TRPM3: variants seen among roughly 807,000 people sequenced by gnomAD.
TRPM3 encodes the protein long transient receptor potential channel 3.
In TRPM3, 77 loss-of-function variants were observed where a neutral mutation model predicts 181.2. That is an observed-to-expected ratio of 0.42 (90% CI 0.35 to 0.51). TRPM3 has a LOEUF of 0.51. TRPM3 is among the 20% of genes least tolerant of loss of function. TRPM3 has a pLI of 0.01. For missense variants in TRPM3, 1,759 were observed against 2,196.7 expected, an observed-to-expected ratio of 0.80 and a Z score of 3.98; for synonymous variants, 745 against 796.4, an observed-to-expected ratio of 0.94 and a Z score of 1.09.
intron 1 of TRPM3, among the ~76,000 whole-genome samples, chr9:71,333,494 T>C (rs961279105): frequency 5.9e-5 from 9 of 151,996 alleles, no homozygotes; most frequent in African/African-American, 1.9e-4. Flanking sequence ...CTGGCTCTTC[T>C]CAATTTTGCT....
chr9:70,629,230 C>G (rs201522105), intron 12 of TRPM3, among the ~76,000 whole-genome samples: 1,288 of 32,692 alleles, frequency 0.039, 64 homozygotes, highest in Middle Eastern at 0.11. Context: ...GGGGGGGGGG[C>G]CTGCGTTCTG....
chr9:71,205,840 C>T (rs1474594977), intron 1 of TRPM3, among the ~76,000 whole-genome samples: 1 of 152,166 alleles, frequency 6.6e-6, no homozygotes, highest in East Asian at 1.9e-4. Context: ...TGATAGTTTC[C>T]ATGAGAAATG....
At chr9:70,945,979 A>T (rs2096928333) in intron 1 of TRPM3, among the ~76,000 whole-genome samples, 2 of 152,166 alleles carry the variant, frequency 1.3e-5, no homozygotes, top group Admixed American at 1.3e-4. Context: ...GACTAGGGAG[A>T]TCTACAAGCA....
chr9:71,162,726 T>TAA (rs1455017443), intron 1 of TRPM3, among the ~76,000 whole-genome samples: 5 of 152,198 alleles, frequency 3.3e-5, no homozygotes, highest in African/African-American at 1.2e-4. Context: ...CTTTCATTAG[T>TAA]TACCTACTAT....
At chr9:71,087,724 C>T (rs1385147378) in intron 1 of TRPM3, among the ~76,000 whole-genome samples, 2 of 152,030 alleles carry the variant, frequency 1.3e-5, no homozygotes, top group African/African-American at 4.8e-5. Flanking sequence ...TTAATCAGCA[C>T]AGTAGATTTT....
chr9:71,327,831 G>T (rs1411071274), intron 1 of TRPM3, among the ~76,000 whole-genome samples: 1 of 152,074 alleles, frequency 6.6e-6, no homozygotes. Flanking sequence ...TGTTTATCAG[G>T]ATACATTGAC....
chr9:71,005,922 T>C (rs1359715418), intron 1 of TRPM3, among the ~76,000 whole-genome samples: 1 of 152,182 alleles, frequency 6.6e-6, no homozygotes, highest in Non-Finnish European at 1.5e-5. Context: ...AAATTTTAAG[T>C]ATGAAGACTA....
chr9:70,654,469 T>C (rs1182588228), intron 9 of TRPM3, among the ~76,000 whole-genome samples: 1 of 152,010 alleles, frequency 6.6e-6, no homozygotes. Context: ...TCAGAGGTCA[T>C]GGACCTCTGG....
chr9:70,897,612 A>G (rs975578928), intron 1 of TRPM3, among the ~76,000 whole-genome samples: 5 of 152,126 alleles, frequency 3.3e-5, no homozygotes, highest in Non-Finnish European at 7.3e-5. Flanking sequence ...GTTTTCTCAG[A>G]GGCAAATTTC....
chr9:70,927,666 T>C (rs1442328444), intron 1 of TRPM3, among the ~76,000 whole-genome samples: 1 of 152,184 alleles, frequency 6.6e-6, no homozygotes, highest in East Asian at 1.9e-4. Context: ...CTCTTAGGCC[T>C]GCGCACAGAG....
chr9:70,536,786 A>G lies in TRPM3; in HGVS notation c.4327T>C (p.Phe1443Leu), dbSNP rs1366318343. 1 of 1,614,040 alleles carries G rather than the reference A, an allele frequency of 6.2e-7. No individual in the cohort carries two copies. The highest frequency in any genetic ancestry group is 1.3e-5 in the African/African-American group (1 of 74,924). The change falls in exon 26 of 26, where the codon TTT becomes CTT. Residue 1443 changes from phenylalanine to leucine, a missense_variant. Around this residue, in one of 8 missense-constraint regions of TRPM3, gnomAD observed 612 missense variants for 590.0 expected, o/e 1.04. Coordinates refer to ENST00000677713, the MANE Select transcript of TRPM3 (RefSeq NM_001366145.2). Reference protein sequence around the residue: ...VNILGLGEPSFSTPVPSTAPS... With the variant: ...VNILGLGEPSLSTPVPSTAPS... The stretch of plus-strand genomic sequence containing the variant: ...GCTGTGGAAGGTACTGGAGTTGAAA[A>G]GCTTGGCTCGCCCAGCCCAAGGATG...
intron 1 of TRPM3, among the ~76,000 whole-genome samples, chr9:71,006,491 G>A (rs1031465032): frequency 6.6e-6 from 1 of 151,670 alleles, no homozygotes; most frequent in African/African-American, 2.4e-5. Context: ...GAAAGTGAAG[G>A]GATGAAAAAA....
At chr9:70,575,815 G>A (rs75082325) in intron 22 of TRPM3, among the ~76,000 whole-genome samples, 5,888 of 152,220 alleles carry the variant, frequency 0.039, 149 homozygotes, top group South Asian at 0.065. Flanking sequence ...CTCTGTCCTG[G>A]ACTGTTCCTG....
intron 1 of TRPM3, among the ~76,000 whole-genome samples, chr9:71,005,272 A>C (rs2097661368): frequency 6.6e-6 from 1 of 151,926 alleles, no homozygotes; most frequent in Admixed American, 6.6e-5. Context: ...AGGGCATGGT[A>C]GGGCATGCCT....
chr9:70,969,756 T>TTTTA (rs1554785328), intron 1 of TRPM3, among the ~76,000 whole-genome samples: 104 of 126,620 alleles, frequency 8.2e-4, no homozygotes, highest in African/African-American at 2.8e-3. Flanking sequence ...CTGAATGATT[T>TTTTA]TATATATATA....
intron 1 of TRPM3, among the ~76,000 whole-genome samples, chr9:71,287,075 T>C (rs1195867201): frequency 7.0e-6 from 1 of 143,448 alleles, no homozygotes; most frequent in African/African-American, 2.5e-5. Flanking sequence ...TTATATATTA[T>C]ATATAAATTA....
rs956604749 is a variant in TRPM3, at chr9:71,076,099, GGA to G, written c.177+45077_177+45078del. Among the ~76,000 whole-genome samples, 86 of 150,938 alleles carry G rather than the reference GGA, an allele frequency of 5.7e-4. 2 individuals are homozygous for G. In the Middle Eastern group the frequency reaches 0.024, roughly 42 times the overall value. ...ATGAAGAATGATTAGAATGTGCGGG[GGA>G]GGGGGAACAAAAAGACATAACTAGT... On this transcript the variant is annotated intron_variant, in intron 1 of 25. Transcript: ENST00000677713.
intron 9 of TRPM3, among the ~76,000 whole-genome samples, chr9:70,674,765 A>G (rs904954557): frequency 7.0e-6 from 1 of 142,002 alleles, no homozygotes; most frequent in Admixed American, 7.3e-5. Context: ...AAGGTCTCAC[A>G]ATGTTGCCCA....
At chr9:70,615,253 T>C (rs531280121) in intron 18 of TRPM3, among the ~76,000 whole-genome samples, 1 of 152,354 alleles carries the variant, frequency 6.6e-6, no homozygotes, top group East Asian at 1.9e-4. Flanking sequence ...TTCCAAGCTA[T>C]GAAGCCTTGT....
Sources: gnomAD v4.1 joint callset for allele counts (sites outside exome capture counted in the v4.1 genomes callset) on GRCh38, gnomAD v4.1.1 for gene constraint, gnomAD v4.1.1 regional missense constraint, MANE v1.5 for transcripts, NCBI Gene and HGNC (gene_info 2026-07-23, HGNC 2026-07-21) for gene names.